The following SLK variants were observed in gnomAD, a reference collection of about 807,000 sequenced individuals.
SLK encodes the protein STE20-like serine/threonine-protein kinase.
A neutral mutation model predicts 147.7 loss-of-function variants in SLK; 67 were observed. That is an observed-to-expected ratio of 0.45 (90% CI 0.37 to 0.56). The LOEUF (loss-of-function observed/expected upper bound fraction) is 0.56, where lower values mean the gene tolerates loss of function less well. Among genes scored for constraint, SLK ranks in the 20% least tolerant of loss-of-function variants. The pLI, the probability that SLK is intolerant of heterozygous loss-of-function variation, is 0.00. For missense variants in SLK, 1,136 were observed against 1,438.8 expected (o/e 0.79, Z 3.41); for synonymous variants, 441 against 475.0 (o/e 0.93, Z 0.93).
In SLK at chr10:104,019,243, C is replaced by T. The variant is rs118159270; in HGVS notation, c.3132+335C>T. On this transcript the variant is annotated intron_variant, in intron 15 of 18. Coordinates refer to ENST00000369755, the MANE Select transcript of SLK (RefSeq NM_014720.4). Reference sequence around the variant, plus strand: ...GACTCCTTGTACTTATTAAGAGTTGCAGTATAAAACTCTCATCACTAATAA... The same window carrying T: ...GACTCCTTGTACTTATTAAGAGTTGTAGTATAAAACTCTCATCACTAATAA... The T allele has an allele frequency of 7.0e-4, 137 of 194,760 alleles. 1 individual carries two copies. In the East Asian group the frequency reaches 0.017, roughly 24 times the overall value. 12.1% of individuals were successfully genotyped at this position (194,760 alleles called of 1,614,324 possible). A position where few individuals can be genotyped will look rare whatever the true frequency, so the allele number is the denominator to read the frequency against.
At chr10:104,024,360 C>T (rs1196908108) in intron 18 of SLK, among the ~76,000 whole-genome samples, 1 of 152,300 alleles carries the variant, frequency 6.6e-6, no homozygotes, top group Middle Eastern at 3.4e-3. Context: ...GTTGAGAAAT[C>T]TTCAGTTCCA....
Position 104,010,916 on chromosome 10 carries a change from C to G in SLK, c.2877+8C>G, listed in dbSNP as rs1844391608. The G allele has an allele frequency of 6.4e-7, 1 of 1,552,056 alleles. No homozygotes were observed. Among genetic ancestry groups the G allele is most frequent in the Non-Finnish European group, 8.7e-7 (1 of 1,154,026 alleles). On this transcript the variant is annotated splice_region_variant and intron_variant, in intron 13 of 18. Coordinates refer to ENST00000369755, the MANE Select transcript of SLK (RefSeq NM_014720.4). Reference sequence around the variant, plus strand: ...CAAAGCCAGCATGCTCAGGTAACAGCAGCAGCTTAATGCTACTAAAACCAG... The same window carrying G: ...CAAAGCCAGCATGCTCAGGTAACAGGAGCAGCTTAATGCTACTAAAACCAG...
chr10:104,028,313 A>G lies in SLK; in HGVS notation c.*2593A>G, dbSNP rs2134549141. On this transcript the variant is annotated 3_prime_UTR_variant, in exon 19 of 19. Transcript: ENST00000369755. ...CCCTCTTTCCCTGAGTGCTGTGAACACAGCAGACCTGCACACTTCTGCAGA... is the reference window on the plus strand; with the variant it reads ...CCCTCTTTCCCTGAGTGCTGTGAACGCAGCAGACCTGCACACTTCTGCAGA... The G allele has an allele frequency of 6.6e-6, 1 of 152,312 alleles. No individual in the cohort carries two copies. The highest frequency in any genetic ancestry group is 2.1e-4 in the South Asian group (1 of 4,820). 9.4% of individuals were successfully genotyped at this position (152,312 alleles called of 1,614,324 possible).
chr10:104,019,866 A>C lies in SLK; in HGVS notation c.3265A>C (p.Ser1089Arg). 1 of 1,614,194 alleles carries C rather than the reference A, an allele frequency of 6.2e-7. No homozygotes were observed. The highest frequency in any genetic ancestry group is 8.5e-7 in the Non-Finnish European group (1 of 1,180,006). Residue 1089 changes from serine (S) to arginine (R), a missense_variant, in exon 16 of 19, where the codon AGT (serine) becomes CGT (arginine). Physicochemically the swap from Ser to Arg is moderately radical, Grantham distance 110. Coordinates refer to ENST00000369755, the MANE Select transcript of SLK (RefSeq NM_014720.4). ...AKTRMAMFKK[S>R]LRINSTATPD... ...GACTCGAATGGCCATGTTTAAGAAGAGTTTGAGAATTAACTCAACAGCCAC... is the reference window on the plus strand; with the variant it reads ...GACTCGAATGGCCATGTTTAAGAAGCGTTTGAGAATTAACTCAACAGCCAC...
chr10:103,993,150 A>T lies in SLK; in HGVS notation c.514+17A>T, dbSNP rs766859591. The T allele has an allele frequency of 6.4e-7, 1 of 1,561,590 alleles. No homozygotes were observed. The highest frequency in any genetic ancestry group is 8.7e-7 in the Non-Finnish European group (1 of 1,146,726). On this transcript the variant is annotated intron_variant, in intron 4 of 18. Transcript: ENST00000369755. ...TCAAATTGGGTAAGTTATTCACTTA[A>T]ATAAAACATTAGAATTTTTACTCTG...
chr10:104,012,877 G>A (rs1037755182), intron 13 of SLK, among the ~76,000 whole-genome samples: 11 of 152,104 alleles, frequency 7.2e-5, no homozygotes, highest in African/African-American at 2.7e-4. Flanking sequence ...GCCTTATAAA[G>A]GAATATAGAT....
chr10:104,021,784 C>G (rs1388734926), intron 18 of SLK, 51 bp downstream of exon 18: 1 of 951,732 alleles, frequency 1.1e-6, no homozygotes, highest in Non-Finnish European at 1.7e-6. Context: ...CGTCCGTCTA[C>G]CCAGCTATTG....
At chr10:103,991,526 A>AT (rs1327634731) in intron 2 of SLK, among the ~76,000 whole-genome samples, 1 of 152,090 alleles carries the variant, frequency 6.6e-6, no homozygotes, top group African/African-American at 2.4e-5. Flanking sequence ...AGTATAAGGA[A>AT]TACCTGACTG....
chr10:103,990,547 A>G lies in SLK; in HGVS notation c.151-128A>G, dbSNP rs1589531802. The G allele has an allele frequency of 1.5e-5, 8 of 524,856 alleles. No homozygotes were observed. The East Asian group carries it at 2.9e-4, about 19-fold the overall frequency. The allele number at this position is 524,856 out of a possible 1,614,324, so 32.5% of individuals were successfully genotyped here. On this transcript the variant is annotated intron_variant, in intron 1 of 18. Coordinates refer to ENST00000369755, the MANE Select transcript of SLK (RefSeq NM_014720.4). ...TGTCTTCTCATTCTCTTGACACACT[A>G]TTTTTAAAAGACAGCCTAAACGTAA... is the stretch of plus-strand genomic sequence containing the variant.
At chr10:103,992,443 C>G (rs1844109187) in intron 2 of SLK, among the ~76,000 whole-genome samples, 155 bp from the exon 3 acceptor site, 1 of 151,862 alleles carries the variant, frequency 6.6e-6, no homozygotes, top group South Asian at 2.1e-4. Flanking sequence ...ATTTGTAACT[C>G]TTTTGACAAA....
At chr10:103,987,944 ATAGAG>A (rs1844039080) in intron 1 of SLK, among the ~76,000 whole-genome samples, 1 of 152,188 alleles carries the variant, frequency 6.6e-6, no homozygotes, top group African/African-American at 2.4e-5. Flanking sequence ...CTGACACAAG[ATAGAG>A]TAGAGGAGAA....
At chr10:103,992,141 G>GTGTTTTTTTTT (rs1554842825) in intron 2 of SLK, among the ~76,000 whole-genome samples, 1 of 91,792 alleles carries the variant, frequency 1.1e-5, no homozygotes, top group Non-Finnish European at 2.1e-5. Flanking sequence ...TATTTCTTCT[G>GTGTTTTTTTTT]TTTTTTTTTT....
intron 16 of SLK, among the ~76,000 whole-genome samples, chr10:104,020,136 A>G (rs1364135652): frequency 6.6e-6 from 1 of 152,188 alleles, no homozygotes; most frequent in Non-Finnish European, 1.5e-5. Context: ...CCTTCCTCCT[A>G]TACCCCATAC....
intron 13 of SLK, among the ~76,000 whole-genome samples, chr10:104,017,708 G>T (rs1318287988): frequency 1.3e-5 from 2 of 152,172 alleles, no homozygotes; most frequent in African/African-American, 4.8e-5. Context: ...TCGAACTCCT[G>T]ACCTCAAGAG....
chr10:104,007,151 AATATT>A (rs1232791250), intron 11 of SLK, among the ~76,000 whole-genome samples: 8 of 152,098 alleles, frequency 5.3e-5, no homozygotes, highest in African/African-American at 1.9e-4. Flanking sequence ...TATTATTAAT[AATATT>A]ATTTTATTAA....
At position 104,018,460 on chromosome 10, in the gene SLK, G is replaced by A. The variant is rs57428511; in HGVS notation, c.3007+171G>A. On this transcript the variant is annotated intron_variant, in intron 14 of 18. Transcript: ENST00000369755. The stretch of plus-strand genomic sequence containing the variant: ...CTTATAGTTGTTAGTATACCTAATG[G>A]TCGTGTGTTAGAATGGGATTTAAAG... Among the ~76,000 whole-genome samples the A allele has an allele frequency of 2.3e-3, 353 of 152,226 alleles. 9 individuals are homozygous for A. In the East Asian group the frequency reaches 0.055, roughly 24 times the overall value.
intron 3 of SLK, 26 bp from the exon 4 acceptor site, chr10:103,992,958 T>A: frequency 2.0e-6 from 2 of 977,404 alleles, no homozygotes; most frequent in South Asian, 3.8e-5. Context: ...AAAAAGCAGA[T>A]TTTTTTTTTT....
intron 7 of SLK, 21 bp from the exon 8 acceptor site, chr10:104,001,423 G>A (rs1237716117): frequency 6.2e-7 from 1 of 1,605,656 alleles, no homozygotes; most frequent in African/African-American, 1.3e-5. Context: ...TGTTGAGTAT[G>A]TTCTTTTTAA....
chr10:103,999,981 T>C, intron 7 of SLK, 33 bp downstream of exon 7: 1 of 932,722 alleles, frequency 1.1e-6, no homozygotes, highest in Non-Finnish European at 1.6e-6. Context: ...AATAATATAA[T>C]TATTTTAACA....
Sources: gnomAD v4.1 joint callset for allele counts (sites outside exome capture counted in the v4.1 genomes callset) on GRCh38, gnomAD v4.1.1 for gene constraint, MANE v1.5 for transcripts, NCBI Gene and HGNC (gene_info 2026-07-23, HGNC 2026-07-21) for gene names.